Variants in SLC8A3 observed in about 807,000 individuals in gnomAD.
SLC8A3 encodes sodium/calcium exchanger 3.
Under a neutral mutation model 65.4 loss-of-function variants are expected in SLC8A3, and 37 were observed. The ratio of observed to expected loss-of-function variants is 0.57; its 90% confidence interval spans 0.44 to 0.74. SLC8A3 has a LOEUF of 0.74. SLC8A3 is among the 30% of genes least tolerant of loss of function. SLC8A3 has a pLI of 0.00. For missense variants in SLC8A3, 1,112 were observed against 1,172.1 expected (o/e 0.95, Z 0.75); for synonymous variants, 461 against 444.5 (o/e 1.04, Z -0.47).
intron 2 of SLC8A3, among the ~76,000 whole-genome samples, chr14:70,121,425 A>G (rs1894042440): frequency 2.0e-5 from 3 of 152,202 alleles, no homozygotes; most frequent in Non-Finnish European, 4.4e-5. Context: ...TGCTCCTGCT[A>G]CAGATTCTGA....
chr14:70,077,487 C>T (rs77214720), intron 2 of SLC8A3, among the ~76,000 whole-genome samples: 5,217 of 152,196 alleles, frequency 0.034, 305 homozygotes, highest in African/African-American at 0.12. Flanking sequence ...TGGTTAAACA[C>T]GGACAGGGCT....
At chr14:70,116,956 A>T (rs574040258) in intron 2 of SLC8A3, among the ~76,000 whole-genome samples, 51 of 152,360 alleles carry the variant, frequency 3.3e-4, no homozygotes, top group African/African-American at 1.2e-3. Context: ...TGAATAAGCC[A>T]ATCTGGTTTG....
chr14:70,085,502 C>T (rs1028241210), intron 2 of SLC8A3, among the ~76,000 whole-genome samples: 11 of 152,090 alleles, frequency 7.2e-5, no homozygotes, highest in Admixed American at 2.6e-4. Context: ...ACCTTTAACC[C>T]GACCCACCTC....
chr14:70,181,872 T>C (rs138049128), intron 1 of SLC8A3, among the ~76,000 whole-genome samples: 1 of 152,340 alleles, frequency 6.6e-6, no homozygotes, highest in African/African-American at 2.4e-5. Flanking sequence ...GTTGGGAAGA[T>C]GGCAGAAAGC....
Position 70,046,819 on chromosome 14 carries a change from C to G in SLC8A3, c.2390-496G>C, listed in dbSNP as rs1393003620. The G allele has an allele frequency of 6.4e-6, 1 of 156,642 alleles. No individual in the cohort carries two copies. The highest frequency in any genetic ancestry group is 2.4e-5 in the African/African-American group (1 of 41,428). The allele number at this position is 156,642 out of a possible 1,614,324, so 9.7% of individuals were successfully genotyped here. ...TGGGGACAGAGGACATGTTGGGGAA[C>G]CATGATGGGGACATGCAGGGTGAAC... is the stretch of plus-strand genomic sequence containing the variant. On this transcript the variant is annotated intron_variant, in intron 6 of 6. Transcript: ENST00000356921. The surrounding 1 kb of genome is among the most constrained non-coding windows in gnomAD (Gnocchi z 4.2).
At chr14:70,070,330 C>T (rs1412231583) in intron 2 of SLC8A3, among the ~76,000 whole-genome samples, 1 of 152,194 alleles carries the variant, frequency 6.6e-6, no homozygotes, top group African/African-American at 2.4e-5. Context: ...TCTCTGCACA[C>T]ATTATCTCAT....
At chr14:70,163,811 C>G (rs1897021377) in intron 2 of SLC8A3, among the ~76,000 whole-genome samples, 1 of 152,154 alleles carries the variant, frequency 6.6e-6, no homozygotes, top group Admixed American at 6.5e-5. Flanking sequence ...CAATCCCTCC[C>G]CTAGACCTCC....
chr14:70,127,194 A>G (rs2140208789), intron 2 of SLC8A3, among the ~76,000 whole-genome samples: 1 of 152,254 alleles, frequency 6.6e-6, no homozygotes, highest in South Asian at 2.1e-4. Context: ...GGGGTGGGAG[A>G]AAGTAAGCTG....
Position 70,140,260 on chromosome 14 carries a change from T to C in SLC8A3, c.1784+26379A>G, listed in dbSNP as rs916281080. Among the ~76,000 whole-genome samples the C allele has an allele frequency of 2.6e-5, 4 of 152,286 alleles. No homozygotes were observed. The East Asian group carries it at 7.7e-4, about 29-fold the overall frequency. ...AGTGGAGAAAAAAACACCTGTCCCA[T>C]TGTGATACCTTCAGAATTCACACTG... is the stretch of plus-strand genomic sequence containing the variant. On this transcript the variant is annotated intron_variant, in intron 2 of 6. Coordinates refer to ENST00000356921, the MANE Select transcript of SLC8A3 (RefSeq NM_182932.3).
chr14:70,064,709 C>T lies in SLC8A3; in HGVS notation c.1785-3770G>A, dbSNP rs1180575209. On this transcript the variant is annotated intron_variant, in intron 2 of 6. Coordinates refer to ENST00000356921, the MANE Select transcript of SLC8A3 (RefSeq NM_182932.3). ...ATTAACTCTAGGGCTCTCAGAATCA[C>T]GATTCCTTTCTCAGTCCTACGATGA... is the stretch of plus-strand genomic sequence containing the variant. Among the ~76,000 whole-genome samples, 3 of 152,140 alleles carry T rather than the reference C, an allele frequency of 2.0e-5. 1 individual carries two copies. Among genetic ancestry groups the T allele is most frequent in the Non-Finnish European group, 2.9e-5 (2 of 68,034 alleles).
intron 2 of SLC8A3, among the ~76,000 whole-genome samples, chr14:70,155,755 TC>T (rs1467305938): frequency 2.0e-5 from 3 of 152,202 alleles, no homozygotes; most frequent in Non-Finnish European, 4.4e-5. Context: ...CATGTTCTGA[TC>T]CCCTTACGGA....
Position 70,060,843 on chromosome 14 carries a change from T to G in SLC8A3, c.1881A>C (p.Gly627=), listed in dbSNP as rs1360879404. 8.9e-6 allele frequency: 13 copies of G among 1,467,270 alleles called. No individual in the cohort carries two copies. Among genetic ancestry groups the G allele is most frequent in the Non-Finnish European group, 1.2e-5 (13 of 1,068,918 alleles). 90.9% of individuals were successfully genotyped at this position (1,467,270 alleles called of 1,614,324 possible). Residue 627 remains glycine, a synonymous_variant, in exon 3 of 7, where the codon GGA becomes GGC. Coordinates refer to ENST00000356921, the MANE Select transcript of SLC8A3 (RefSeq NM_182932.3). ...ALGEPKWMER[G]ISDVTDRKLT... ...TTTTAAAGAATCTCACACCTGATAT[T>G]CCACGTTCCATCCATTTCGGTTCAC...
intron 2 of SLC8A3, among the ~76,000 whole-genome samples, chr14:70,073,909 TG>T (rs1339800891): frequency 4.6e-5 from 7 of 152,238 alleles, no homozygotes; most frequent in Non-Finnish European, 1.5e-5. Context: ...CCCATATTTC[TG>T]GTGGATAATT....
At position 70,109,782 on chromosome 14, in the gene SLC8A3, T is replaced by C. The variant is rs560464114; in HGVS notation, c.1785-48843A>G. Among the ~76,000 whole-genome samples the C allele has an allele frequency of 3.3e-5, 5 of 152,242 alleles. No individual in the cohort carries two copies. In the South Asian group the frequency reaches 1.0e-3, roughly 32 times the overall value. On this transcript the variant is annotated intron_variant, in intron 2 of 6. Coordinates refer to ENST00000356921, the MANE Select transcript of SLC8A3 (RefSeq NM_182932.3). ...CAGCCCAATATTTTAAAATAAAAAA[T>C]AAGAACAAAATATATCCTACCTAGC...
chr14:70,122,378 C>G (rs1186509129), intron 2 of SLC8A3, among the ~76,000 whole-genome samples: 1 of 152,154 alleles, frequency 6.6e-6, no homozygotes, highest in African/African-American at 2.4e-5. Context: ...GTCCCCCAAC[C>G]ACCCCTGTAG....
At chr14:70,059,973 C>A (rs1888595269) in intron 3 of SLC8A3, among the ~76,000 whole-genome samples, 1 of 152,116 alleles carries the variant, frequency 6.6e-6, no homozygotes, top group Admixed American at 6.5e-5. Context: ...CCCAAAGTAG[C>A]CTGAATGAGG....
chr14:70,086,046 A>G (rs1891407884), intron 2 of SLC8A3, among the ~76,000 whole-genome samples: 1 of 152,202 alleles, frequency 6.6e-6, no homozygotes, highest in Admixed American at 6.5e-5. Context: ...TTGCTTTTCA[A>G]TGAAATGGAG....
At chr14:70,139,711 C>T (rs999961078) in intron 2 of SLC8A3, among the ~76,000 whole-genome samples, 1 of 152,166 alleles carries the variant, frequency 6.6e-6, no homozygotes, top group Non-Finnish European at 1.5e-5. Context: ...TTTGGCCAGA[C>T]AGCTGCTGGA....
intron 2 of SLC8A3, among the ~76,000 whole-genome samples, chr14:70,125,604 AT>A (rs138331927): frequency 0.11 from 16,071 of 152,088 alleles, 1,136 homozygotes; most frequent in Non-Finnish European, 0.16. Flanking sequence ...TTGATTCCAT[AT>A]TTTTGCTACT....
Sources: allele counts gnomAD v4.1 joint callset (sites outside exome capture counted in the v4.1 genomes callset), GRCh38; gene constraint gnomAD v4.1.1; non-coding constraint Gnocchi (gnomAD v3.1); transcripts MANE v1.5; gene names NCBI Gene and HGNC (gene_info 2026-07-23, HGNC 2026-07-21).